PLEKHG3: variants seen among roughly 807,000 people sequenced by gnomAD.
PLEKHG3 encodes the protein pleckstrin homology domain-containing family G member 3.
Under a neutral mutation model 94.9 loss-of-function variants are expected in PLEKHG3, and 62 were observed. That is an observed-to-expected ratio of 0.65 (90% CI 0.53 to 0.81). PLEKHG3 has a LOEUF of 0.81. Ranked by LOEUF, PLEKHG3 falls within the 30% of genes least tolerant of loss-of-function variation. PLEKHG3 has a pLI of 0.00. For synonymous variants in PLEKHG3, 614 were observed against 654.0 expected (o/e 0.94, Z 0.93); for missense variants, 1,461 against 1,619.3 (o/e 0.90, Z 1.68).
rs150378249 is a variant in PLEKHG3 at position 64,732,646 on chromosome 14, G to C, written c.1247-157G>C. ...CTCCTGCTGAGCGGTGGGACTCTCA[G>C]TGCCTGAAGCTCCCAGCTGGAAGAT... is the stretch of plus-strand genomic sequence containing the variant. On this transcript the variant is annotated intron_variant, in intron 11 of 16. Transcript: ENST00000247226. This position sits in a 1 kb window ranked among gnomAD's most constrained non-coding sequence, Gnocchi z 4.9. 5.3e-5 allele frequency among the ~76,000 whole-genome samples: 8 copies of C among 152,290 alleles called. No homozygotes were observed. Among genetic ancestry groups the C allele is most frequent in the African/African-American group, 1.9e-4 (8 of 41,552 alleles).
chr14:64,733,409 C>T (rs2081511773), intron 12 of PLEKHG3, among the ~76,000 whole-genome samples: 1 of 152,094 alleles, frequency 6.6e-6, no homozygotes, highest in African/African-American at 2.4e-5. Flanking sequence ...CTCAGGTGAT[C>T]CGCCCGTCTC....
chr14:64,736,124 C>CA (rs1164786037), intron 12 of PLEKHG3, among the ~76,000 whole-genome samples: 2 of 152,202 alleles, frequency 1.3e-5, no homozygotes, highest in Non-Finnish European at 2.9e-5. Flanking sequence ...GCCAGCTGGG[C>CA]AAGGATATGG....
Position 64,732,174 on chromosome 14 carries a change from C to T in PLEKHG3, c.1205C>T (p.Pro402Leu). The T allele has an allele frequency of 6.2e-7, 1 of 1,612,784 alleles. No homozygotes were observed. The highest frequency in any genetic ancestry group is 8.5e-7 in the Non-Finnish European group (1 of 1,178,838). The change falls in exon 10 of 17, where the codon CCC (proline) becomes CTC (leucine). Residue 402 changes from proline to leucine, a missense_variant. Around this residue, in one of 3 missense-constraint regions of PLEKHG3, gnomAD observed 1,201 missense variants for 1,295.5 expected, o/e 0.93. Coordinates refer to ENST00000247226, the MANE Select transcript of PLEKHG3 (RefSeq NM_001308147.2). This position sits in a 1 kb window ranked among gnomAD's most constrained non-coding sequence, Gnocchi z 4.9. ...LILENHHATI[P>L]QKAKEAILEM... ...CTAGAGAACCACCATGCCACCATTC[C>T]CCAGAAGGTGAGTTCCCCCAGCTCC...
At position 64,704,871 on chromosome 14, in the gene PLEKHG3, C is replaced by T. The variant is rs930974175; in HGVS notation, c.-40+167C>T. On this transcript the variant is annotated intron_variant, in intron 1 of 16. Transcript: ENST00000247226. The surrounding 1 kb of genome is among the most constrained non-coding windows in gnomAD (Gnocchi z 5.6). ...GGAGGGCCTGGAACTGTGTTGGCTG[C>T]TTCCCGGGCCACCCTGCCGCAGAGT... is the stretch of plus-strand genomic sequence containing the variant. 5.9e-5 allele frequency among the ~76,000 whole-genome samples: 9 copies of T among 152,366 alleles called. No homozygotes were observed. Among genetic ancestry groups the T allele is most frequent in the African/African-American group, 2.2e-4 (9 of 41,594 alleles).
chr14:64,747,570 A>C lies in PLEKHG3; in HGVS notation c.*3867A>C, dbSNP rs2081866647. 1 of 152,442 alleles carries C rather than the reference A, an allele frequency of 6.6e-6. No individual in the cohort carries two copies. The highest frequency in any genetic ancestry group is 1.5e-5 in the Non-Finnish European group (1 of 68,022). The allele number at this position is 152,442 out of a possible 1,614,324, so 9.4% of individuals were successfully genotyped here. On this transcript the variant is annotated 3_prime_UTR_variant, in exon 17 of 17. Coordinates refer to ENST00000247226, the MANE Select transcript of PLEKHG3 (RefSeq NM_001308147.2). Reference sequence around the variant, plus strand: ...CTGCTGCAGTTGGTGTCACCCTGACATATAGTGTCAGGGCCACAGGGTGGA... The same window carrying C: ...CTGCTGCAGTTGGTGTCACCCTGACCTATAGTGTCAGGGCCACAGGGTGGA...
At chr14:64,705,080 A>G (rs2080950242) in intron 1 of PLEKHG3, among the ~76,000 whole-genome samples, 1 of 151,812 alleles carries the variant, frequency 6.6e-6, no homozygotes, top group Non-Finnish European at 1.5e-5. Context: ...TGGCGGGTGG[A>G]CCCTTCTGCG....
rs1172842065 is a variant in PLEKHG3, at chr14:64,741,534, G to C, written c.2017G>C (p.Val673Leu). The C allele has an allele frequency of 6.2e-7, 1 of 1,612,972 alleles. No homozygotes were observed. Among genetic ancestry groups the C allele is most frequent in the Non-Finnish European group, 8.5e-7 (1 of 1,180,026 alleles). ...CQLSPEVDIS[V>L]GVATEDSPSV... ...GCTCTCCCCAGAAGTGGACATCAGT[G>C]TGGGGGTGGCCACAGAGGACAGCCC... The change falls in exon 16 of 17, where the codon GTG (valine) becomes CTG (leucine). Residue 673 changes from valine to leucine, a missense_variant. This residue lies in a region of PLEKHG3 where 1,201 missense variants were observed against 1,295.5 expected (regional missense o/e 0.93). Transcript: ENST00000247226.
intron 1 of PLEKHG3, among the ~76,000 whole-genome samples, chr14:64,709,483 C>G (rs1208523956): frequency 1.3e-5 from 2 of 152,142 alleles, no homozygotes; most frequent in Non-Finnish European, 2.9e-5. Flanking sequence ...TTGGGCTGAA[C>G]ACAACCCAAA....
intron 1 of PLEKHG3, among the ~76,000 whole-genome samples, chr14:64,706,242 C>T (rs1296275505): frequency 3.3e-5 from 5 of 152,202 alleles, no homozygotes; most frequent in African/African-American, 1.2e-4. Context: ...GTGCGAGTCA[C>T]TTGGGCTGGG....
chr14:64,720,908 C>G lies in PLEKHG3; in HGVS notation c.-39-6685C>G, dbSNP rs1034617491. Among the ~76,000 whole-genome samples the G allele has an allele frequency of 7.2e-5, 11 of 152,194 alleles. No homozygotes were observed. Among genetic ancestry groups the G allele is most frequent in the Admixed American group, 5.2e-4 (8 of 15,288 alleles). The stretch of plus-strand genomic sequence containing the variant: ...GCCAGCAGTGTAGCATCTTCCAGTT[C>G]CCTTCTCTCTGTCCCTCTGCTTTTA... On this transcript the variant is annotated intron_variant, in intron 1 of 16. Transcript: ENST00000247226. This position sits in a 1 kb window ranked among gnomAD's most constrained non-coding sequence, Gnocchi z 4.1.
Position 64,715,027 on chromosome 14 carries a change from G to C in PLEKHG3, c.-40+10323G>C, listed in dbSNP as rs1054760108. 2.0e-5 allele frequency among the ~76,000 whole-genome samples: 3 copies of C among 152,174 alleles called. No individual in the cohort carries two copies. Among genetic ancestry groups the C allele is most frequent in the Non-Finnish European group, 4.4e-5 (3 of 68,034 alleles). On this transcript the variant is annotated intron_variant, in intron 1 of 16. Transcript: ENST00000247226. This position sits in a 1 kb window ranked among gnomAD's most constrained non-coding sequence, Gnocchi z 4.4. Reference sequence around the variant, plus strand: ...TTGCTACTCACTGAGACCCCGTGCAGGTTGGTACCCCCACTGCAAGAGTGT... The same window carrying C: ...TTGCTACTCACTGAGACCCCGTGCACGTTGGTACCCCCACTGCAAGAGTGT...
At position 64,736,864 on chromosome 14, in the gene PLEKHG3, C is replaced by G; in HGVS notation, c.1357C>G (p.His453Asp). Residue 453 changes from histidine to aspartate, a missense_variant, in exon 13 of 17, where the codon CAC (histidine) becomes GAC (aspartate). This residue lies in a region of PLEKHG3 where 1,201 missense variants were observed against 1,295.5 expected (regional missense o/e 0.93). Transcript: ENST00000247226. Reference sequence around the variant, plus strand: ...GCTTTCCTCCTCAGAGCCAACCAAACACCTGCTCAGGCAACTCAACGAGAA... The same window carrying G: ...GCTTTCCTCCTCAGAGCCAACCAAAGACCTGCTCAGGCAACTCAACGAGAA... The part of the protein sequence containing the change: ...QGRRQSEPTK[H>D]LLRQLNEKAR... 4 of 1,613,274 alleles carry G rather than the reference C, an allele frequency of 2.5e-6. No individual in the cohort carries two copies. Among genetic ancestry groups the G allele is most frequent in the Non-Finnish European group, 3.4e-6 (4 of 1,179,308 alleles).
rs1373978588 is a variant in PLEKHG3 at position 64,723,018 on chromosome 14, T to G, written c.-39-4575T>G. 6.6e-6 allele frequency among the ~76,000 whole-genome samples: 1 copy of G among 152,100 alleles called. No homozygotes were observed. The highest frequency in any genetic ancestry group is 1.5e-5 in the Non-Finnish European group (1 of 68,006). On this transcript the variant is annotated intron_variant, in intron 1 of 16. Transcript: ENST00000247226. This position sits in a 1 kb window ranked among gnomAD's most constrained non-coding sequence, Gnocchi z 4.5. ...TTTCCTGTTGGGTCAGAATGGGGCA[T>G]GGTGCTGAGGCGTAGTGGGGAGGGG... is the stretch of plus-strand genomic sequence containing the variant.
At chr14:64,736,402 G>C (rs2081569245) in intron 12 of PLEKHG3, among the ~76,000 whole-genome samples, 1 of 152,250 alleles carries the variant, frequency 6.6e-6, no homozygotes, top group Non-Finnish European at 1.5e-5. Context: ...CAGCTGGGAT[G>C]CTGTGAGGGG....
At position 64,731,540 on chromosome 14, in the gene PLEKHG3, C is replaced by G. The variant is rs2081464788; in HGVS notation, c.1029C>G (p.Ile343Met). The change falls in exon 8 of 17, where the codon ATC (isoleucine) becomes ATG (methionine). Residue 343 changes from isoleucine (I) to methionine (M), a missense_variant. By Grantham distance (10) the Ile-to-Met change is conservative. Around this residue, in one of 3 missense-constraint regions of PLEKHG3, gnomAD observed 1,201 missense variants for 1,295.5 expected, o/e 0.93. Transcript: ENST00000247226. This position sits in a 1 kb window ranked among gnomAD's most constrained non-coding sequence, Gnocchi z 6.1. ...ATCACTTTGTCTACAAGGGCAACAT[C>G]CCGGTAACCAGGCCCTGCCCCATCT... is the stretch of plus-strand genomic sequence containing the variant. ...RGDHFVYKGN[I>M]PCSSLMLIES... 3 of 1,613,732 alleles carry G rather than the reference C, an allele frequency of 1.9e-6. No individual in the cohort carries two copies. Among genetic ancestry groups the G allele is most frequent in the East Asian group, 2.2e-5 (1 of 44,872 alleles).
rs2081358475 is a variant in PLEKHG3, at chr14:64,726,613, T to G, written c.-39-980T>G. Among the ~76,000 whole-genome samples, 1 of 152,178 alleles carries G rather than the reference T, an allele frequency of 6.6e-6. No homozygotes were observed. The highest frequency in any genetic ancestry group is 2.1e-4 in the South Asian group (1 of 4,836). On this transcript the variant is annotated intron_variant, in intron 1 of 16. Transcript: ENST00000247226. The surrounding 1 kb of genome is among the most constrained non-coding windows in gnomAD (Gnocchi z 5.1). The stretch of plus-strand genomic sequence containing the variant: ...CACACCATCTGCTTTGGGAATAAAG[T>G]CCACCTGAGGCTCTGTTTGCCTCAC...
chr14:64,710,167 G>A (rs229658), intron 1 of PLEKHG3, among the ~76,000 whole-genome samples: 115,797 of 152,062 alleles, frequency 0.76, 44,476 homozygotes, highest in Non-Finnish European at 0.82. Context: ...TTCCCATAAT[G>A]TGTTCCATAA....
chr14:64,728,634 G>A lies in PLEKHG3; in HGVS notation c.352-362G>A, dbSNP rs987521732. On this transcript the variant is annotated intron_variant, in intron 2 of 16. Transcript: ENST00000247226. The surrounding 1 kb of genome is among the most constrained non-coding windows in gnomAD (Gnocchi z 5.9). The stretch of plus-strand genomic sequence containing the variant: ...TCATCCAGCTTCTGGGGTCCTGGCA[G>A]TCTTTGACATTGTTGGCCTGGAGAT... 6.6e-6 allele frequency among the ~76,000 whole-genome samples: 1 copy of A among 152,188 alleles called. No homozygotes were observed. Among genetic ancestry groups the A allele is most frequent in the African/African-American group, 2.4e-5 (1 of 41,434 alleles).
rs1434424670 is a variant in PLEKHG3 at position 64,725,509 on chromosome 14, G to C, written c.-39-2084G>C. ...GTCAGTGCTGGAATGACATGGTGTT[G>C]CCCTGCCTGCTGGTTCTGTAAAAGG... On this transcript the variant is annotated intron_variant, in intron 1 of 16. Coordinates refer to ENST00000247226, the MANE Select transcript of PLEKHG3 (RefSeq NM_001308147.2). This position sits in a 1 kb window ranked among gnomAD's most constrained non-coding sequence, Gnocchi z 5.0. Among the ~76,000 whole-genome samples, 6 of 152,192 alleles carry C rather than the reference G, an allele frequency of 3.9e-5. No homozygotes were observed. The highest frequency in any genetic ancestry group is 1.4e-4 in the African/African-American group (6 of 41,444).
Sources: gnomAD v4.1 joint callset for allele counts (sites outside exome capture counted in the v4.1 genomes callset) on GRCh38, gnomAD v4.1.1 for gene constraint, gnomAD v4.1.1 regional missense constraint, Gnocchi (gnomAD v3.1) non-coding constraint, MANE v1.5 for transcripts, NCBI Gene and HGNC (gene_info 2026-07-23, HGNC 2026-07-21) for gene names.